PCNP: variants seen among roughly 807,000 people sequenced by gnomAD.
PCNP encodes the protein PEST proteolytic signal containing nuclear protein, also known as PEST proteolytic signal-containing nuclear protein.
In PCNP, 6 loss-of-function variants were observed where a neutral mutation model predicts 21.8. The ratio of observed to expected loss-of-function variants is 0.28; its 90% confidence interval spans 0.15 to 0.54. The LOEUF is 0.54. PCNP is among the 20% of genes least tolerant of loss of function. The pLI, the probability that PCNP is intolerant of heterozygous loss-of-function variation, is 0.95. For synonymous variants in PCNP, 67 were observed against 73.2 expected (o/e 0.92, Z 0.43); for missense variants, 161 against 215.5 (o/e 0.75, Z 1.58).
At chr3:101,575,326 G>A (rs1034130491) in intron 1 of PCNP, among the ~76,000 whole-genome samples, 5 of 152,094 alleles carry the variant, frequency 3.3e-5, no homozygotes, top group Admixed American at 1.3e-4. Flanking sequence ...CTAACATAAT[G>A]TTTCATGTTA....
chr3:101,587,826 G>A (rs542320951), intron 3 of PCNP, among the ~76,000 whole-genome samples: 2 of 152,262 alleles, frequency 1.3e-5, no homozygotes, highest in East Asian at 3.9e-4. Context: ...GATACAGGAT[G>A]CAGGGAATAC....
rs532790238 is a variant in PCNP at position 101,579,065 on chromosome 3, T to C, written c.65-725T>C. ...TCCAAACCTACATATGTATGCCTTC[T>C]ACTGTTTGAAATTATGATTAGCTCA... is the stretch of plus-strand genomic sequence containing the variant. On this transcript the variant is annotated intron_variant, in intron 1 of 4. Transcript: ENST00000265260. Among the ~76,000 whole-genome samples the C allele has an allele frequency of 2.6e-5, 4 of 152,208 alleles. 1 individual carries two copies. In the South Asian group the frequency reaches 8.3e-4, roughly 32 times the overall value.
intron 2 of PCNP, among the ~76,000 whole-genome samples, chr3:101,580,617 C>T (rs1047295349): frequency 5.3e-5 from 8 of 151,964 alleles, no homozygotes; most frequent in African/African-American, 1.2e-4. Flanking sequence ...TACTTTGGAA[C>T]GACAAATGGG....
At position 101,586,579 on chromosome 3, in the gene PCNP, A is replaced by T. The variant is rs1206605967; in HGVS notation, c.354+1068A>T. Among the ~76,000 whole-genome samples, 170 of 79,638 alleles carry T rather than the reference A, an allele frequency of 2.1e-3. 1 individual carries two copies. The highest frequency in any genetic ancestry group is 5.8e-3 in the African/African-American group (141 of 24,248). 52.2% of individuals were successfully genotyped at this position (79,638 alleles called of 152,430 possible). A position where few individuals can be genotyped will look rare whatever the true frequency, so the allele number is the denominator to read the frequency against. ...GTGTGTGTGTGTGTGTGTGAGAGAGAGAGAGAGAGAGTTTCTTGTTTCAGA... is the reference window on the plus strand; with the variant it reads ...GTGTGTGTGTGTGTGTGTGAGAGAGTGAGAGAGAGAGTTTCTTGTTTCAGA... On this transcript the variant is annotated intron_variant, in intron 3 of 4. Coordinates refer to ENST00000265260, the MANE Select transcript of PCNP (RefSeq NM_020357.3).
chr3:101,588,638 T>C (rs1170345736), intron 3 of PCNP, among the ~76,000 whole-genome samples: 2 of 152,246 alleles, frequency 1.3e-5, no homozygotes, highest in Admixed American at 1.3e-4. Flanking sequence ...TACATATGTG[T>C]AGTCTCCTTT....
At chr3:101,579,502 G>T in intron 1 of PCNP, 2 of 549,932 alleles carry the variant, frequency 3.6e-6, no homozygotes, top group Non-Finnish European at 6.9e-6. Context: ...CCAGATTATT[G>T]TACAAATTGT....
chr3:101,576,502 G>A, intron 1 of PCNP: 4 of 1,605,416 alleles, frequency 2.5e-6, no homozygotes, highest in Non-Finnish European at 3.4e-6. Flanking sequence ...TTTCTTCTTG[G>A]ACACACCCAC....
At chr3:101,592,083 C>T (rs1037708444) in intron 4 of PCNP, among the ~76,000 whole-genome samples, 2 of 152,094 alleles carry the variant, frequency 1.3e-5, no homozygotes, top group African/African-American at 4.8e-5. Flanking sequence ...TATCCTCACC[C>T]CCAATTTAGG....
rs751280977 is a variant in PCNP, at chr3:101,579,865, G to T, written c.140G>T (p.Arg47Leu). The T allele has an allele frequency of 4.3e-6, 7 of 1,613,990 alleles. No individual in the cohort carries two copies. The East Asian group carries it at 1.6e-4, about 36-fold the overall frequency. The change falls in exon 2 of 5, where the codon CGC becomes CTC. Residue 47 changes from arginine (R) to leucine (L), a missense_variant. Physicochemically the swap from Arg to Leu is moderately radical, Grantham distance 102. This residue lies in a region of PCNP where 46 missense variants were observed against 39.3 expected (regional missense o/e 1.17). Coordinates refer to ENST00000265260, the MANE Select transcript of PCNP (RefSeq NM_020357.3). ...AGTAATGGAGGGGAAAGTTCCAGTC[G>T]CAGCGCTGAGAAGCGATCAGCTGAA... is the stretch of plus-strand genomic sequence containing the variant. ...SSSNGGESSS[R>L]SAEKRSAEEE...
chr3:101,586,571 T>TGTGAGAGA, intron 3 of PCNP, among the ~76,000 whole-genome samples: 9 of 114,140 alleles, frequency 7.9e-5, no homozygotes, highest in East Asian at 4.7e-4. Context: ...TGTGTGTGTG[T>TGTGAGAGA]GAGAGAGAGA....
chr3:101,583,882 CG>C (rs60195508), intron 2 of PCNP, among the ~76,000 whole-genome samples: 128,643 of 145,534 alleles, frequency 0.88, 57,291 homozygotes, highest in East Asian at 1. Context: ...AGGCTGGTCT[CG>C]GAACTCCTGA....
chr3:101,574,700 G>C (rs1318507400), intron 1 of PCNP: 1 of 168,608 alleles, frequency 5.9e-6, no homozygotes, highest in Non-Finnish European at 1.3e-5. Flanking sequence ...AGTAGTTGCC[G>C]CGGGAACTGG....
At chr3:101,582,524 A>G (rs1348232255) in intron 2 of PCNP, among the ~76,000 whole-genome samples, 1 of 152,174 alleles carries the variant, frequency 6.6e-6, no homozygotes, top group East Asian at 1.9e-4. Flanking sequence ...AAAAATTGAA[A>G]TTGCTGGATT....
chr3:101,580,464 A>G (rs935859712), intron 2 of PCNP, among the ~76,000 whole-genome samples: 3 of 152,156 alleles, frequency 2.0e-5, no homozygotes, highest in Non-Finnish European at 4.4e-5. Flanking sequence ...CCTCTGAAAA[A>G]TATTGTCAGA....
rs149911864 is a variant in PCNP at position 101,585,943 on chromosome 3, G to C, written c.354+432G>C. Among the ~76,000 whole-genome samples, 569 of 152,196 alleles carry C rather than the reference G, an allele frequency of 3.7e-3. 2 individuals are homozygous for C. Among genetic ancestry groups the C allele is most frequent in the African/African-American group, 0.013 (547 of 41,512 alleles). On this transcript the variant is annotated intron_variant, in intron 3 of 4. Coordinates refer to ENST00000265260, the MANE Select transcript of PCNP (RefSeq NM_020357.3). ...CCTAGCTCTTTGGGAGGCTGAGGCAGGTGGATCACTTGAGGTCAGCGGTTC... is the reference window on the plus strand; with the variant it reads ...CCTAGCTCTTTGGGAGGCTGAGGCACGTGGATCACTTGAGGTCAGCGGTTC...
At chr3:101,575,117 GA>G (rs1342994292) in intron 1 of PCNP, among the ~76,000 whole-genome samples, 1 of 152,140 alleles carries the variant, frequency 6.6e-6, no homozygotes, top group Non-Finnish European at 1.5e-5. Context: ...GTGCGTGAAG[GA>G]AAAGAAACGT....
intron 1 of PCNP, among the ~76,000 whole-genome samples, chr3:101,575,800 T>G (rs938522968): frequency 5.3e-5 from 8 of 152,226 alleles, no homozygotes; most frequent in Non-Finnish European, 1.2e-4. Flanking sequence ...TTACCTGCCA[T>G]TCTTTCAGTT....
chr3:101,589,555 C>T (rs1241705128), intron 3 of PCNP, among the ~76,000 whole-genome samples: 1 of 152,002 alleles, frequency 6.6e-6, no homozygotes, highest in Non-Finnish European at 1.5e-5. Context: ...GGATTACAGG[C>T]ACGCGCCACC....
rs1409966267 is a variant in PCNP, at chr3:101,593,278, A to T, written c.*525A>T. On this transcript the variant is annotated 3_prime_UTR_variant, in exon 5 of 5. Transcript: ENST00000265260. ...ATGGGCATTTGTTTTGTTTCAAGTC[A>T]TCATAAACTAGGTATTGCATTGCTA... 1.3e-5 allele frequency: 2 copies of T among 152,624 alleles called. No individual in the cohort carries two copies. The highest frequency in any genetic ancestry group is 2.9e-5 in the Non-Finnish European group (2 of 68,040). 9.5% of individuals were successfully genotyped at this position (152,624 alleles called of 1,614,324 possible).
Sources: allele counts gnomAD v4.1 joint callset (sites outside exome capture counted in the v4.1 genomes callset), GRCh38; gene constraint gnomAD v4.1.1; regional missense constraint gnomAD v4.1.1; transcripts MANE v1.5; gene names NCBI Gene and HGNC (gene_info 2026-07-23, HGNC 2026-07-21).